Variants in ANKRD31 observed in about 807,000 individuals in gnomAD.
ANKRD31 encodes the protein ankyrin repeat domain-containing protein 31.
A neutral mutation model predicts 186.0 loss-of-function variants in ANKRD31; 147 were observed. That is an observed-to-expected ratio of 0.79 (90% CI 0.69 to 0.91). The LOEUF is 0.91. ANKRD31 is among the 40% of genes least tolerant of loss of function. The pLI, the probability that ANKRD31 is intolerant of heterozygous loss-of-function variation, is 0.00. For synonymous variants in ANKRD31, 673 were observed against 736.4 expected (o/e 0.91, Z 1.39); for missense variants, 1,986 against 2,148.8 (o/e 0.92, Z 1.50).
chr5:75,224,157 A>ATG (rs1271020454), intron 2 of ANKRD31, among the ~76,000 whole-genome samples: 2 of 49,574 alleles, frequency 4.0e-5, no homozygotes, highest in Non-Finnish European at 6.7e-5. Context: ...ATATATATAT[A>ATG]TATGTATATA....
At position 75,104,590 on chromosome 5, in the gene ANKRD31, G is replaced by A; in HGVS notation, c.4969C>T (p.His1657Tyr). The A allele has an allele frequency of 6.5e-7, 1 of 1,536,222 alleles. No homozygotes were observed. Among genetic ancestry groups the A allele is most frequent in the South Asian group, 1.2e-5 (1 of 83,742 alleles). The change falls in exon 22 of 26, where the codon CAT becomes TAT. Residue 1657 changes from histidine to tyrosine, a missense_variant. By Grantham distance (83) the His-to-Tyr change is moderately conservative. Transcript: ENST00000506364. ...TGATCACAAATAATATTTGATGGAT[G>A]GGCAGCATTTTCGGCAAGGACACTT... Reference protein sequence around the residue: ...TASVLAENAAHPSNIICDQDL... With the variant: ...TASVLAENAAYPSNIICDQDL...
chr5:75,109,256 G>C (rs1747577306), intron 20 of ANKRD31, among the ~76,000 whole-genome samples: 1 of 152,106 alleles, frequency 6.6e-6, no homozygotes. Flanking sequence ...TGTTAACAAT[G>C]GCAATTTTCT....
At chr5:75,166,359 T>C (rs566209359) in intron 11 of ANKRD31, among the ~76,000 whole-genome samples, 3 of 152,102 alleles carry the variant, frequency 2.0e-5, no homozygotes, top group African/African-American at 7.2e-5. Context: ...CAATCCCAGC[T>C]ACTCAAGAGG....
chr5:75,087,649 T>C (rs529363602), intron 23 of ANKRD31, among the ~76,000 whole-genome samples: 1 of 152,360 alleles, frequency 6.6e-6, no homozygotes, highest in East Asian at 1.9e-4. Flanking sequence ...AATAATTGCT[T>C]TTTATCTCAG....
At chr5:75,078,716 G>GA (rs1215351197) in intron 25 of ANKRD31, among the ~76,000 whole-genome samples, 1 of 152,144 alleles carries the variant, frequency 6.6e-6, no homozygotes, top group African/African-American at 2.4e-5. Context: ...ATAACTTTGT[G>GA]AAAAATATGT....
chr5:75,104,051 C>A (rs1370835584), intron 22 of ANKRD31, among the ~76,000 whole-genome samples, 177 bp downstream of exon 22: 1 of 152,096 alleles, frequency 6.6e-6, no homozygotes, highest in African/African-American at 2.4e-5. Context: ...TGTATCAGGG[C>A]AATTCCAGAA....
chr5:75,142,262 C>A (rs961414965), intron 15 of ANKRD31, among the ~76,000 whole-genome samples: 3 of 152,034 alleles, frequency 2.0e-5, no homozygotes, highest in Non-Finnish European at 4.4e-5. Context: ...TTCTTGTATT[C>A]TTTCTTTAAT....
chr5:75,123,649 C>A (rs1748972352), intron 17 of ANKRD31, among the ~76,000 whole-genome samples: 1 of 152,036 alleles, frequency 6.6e-6, no homozygotes, highest in Non-Finnish European at 1.5e-5. Context: ...AGCCACATAT[C>A]TATAGCTAAC....
chr5:75,191,550 A>C (rs4704189), intron 9 of ANKRD31, among the ~76,000 whole-genome samples: 77,110 of 151,744 alleles, frequency 0.51, 22,637 homozygotes, highest in African/African-American at 0.82. Flanking sequence ...ACTCTCTATC[A>C]CTGTAAAACA....
intron 17 of ANKRD31, among the ~76,000 whole-genome samples, chr5:75,118,907 A>C (rs1216676123): frequency 6.6e-6 from 1 of 152,120 alleles, no homozygotes; most frequent in Admixed American, 6.6e-5. Context: ...AAGTGGGGTA[A>C]GAGTTGCTTC....
chr5:75,134,586 C>G (rs539403369), intron 17 of ANKRD31, among the ~76,000 whole-genome samples: 1 of 152,076 alleles, frequency 6.6e-6, no homozygotes, highest in South Asian at 2.1e-4. Context: ...ACCAGAGGTA[C>G]GAAGAGGAGC....
chr5:75,139,536 G>A (rs74876356), intron 15 of ANKRD31, among the ~76,000 whole-genome samples: 1 of 152,076 alleles, frequency 6.6e-6, no homozygotes, highest in Non-Finnish European at 1.5e-5. Context: ...AACTGATCAT[G>A]TTTTCCCCCT....
In ANKRD31 at chr5:75,068,448, T is replaced by A; in HGVS notation, c.*71A>T. ...ATGTTAAAATAGGCCCACCAGATTA[T>A]ACAAGATGAAATATAAATGTTTGTT... On this transcript the variant is annotated 3_prime_UTR_variant, in exon 26 of 26. Transcript: ENST00000506364. 7.3e-7 allele frequency: 1 copy of A among 1,372,214 alleles called. No individual in the cohort carries two copies. 85.0% of individuals were successfully genotyped at this position (1,372,214 alleles called of 1,614,324 possible).
rs1422794869 is a variant in ANKRD31, at chr5:75,195,852, A to T, written c.796T>A (p.Leu266Met). Residue 266 changes from leucine to methionine, a missense_variant, in exon 7 of 26, where the codon TTG becomes ATG. Physicochemically the swap from Leu to Met is conservative, Grantham distance 15. Transcript: ENST00000506364. The part of the protein sequence containing the change: ...SDSLSSISIP[L>M]NSWSACHRDL... Reference sequence around the variant, plus strand: ...CTATGACATGCCGACCAGGAATTCAAAGGTATTGATATGGAACTAAGAGAG... The same window carrying T: ...CTATGACATGCCGACCAGGAATTCATAGGTATTGATATGGAACTAAGAGAG... 12 of 1,537,002 alleles carry T rather than the reference A, an allele frequency of 7.8e-6. No individual in the cohort carries two copies. The highest frequency in any genetic ancestry group is 9.6e-6 in the Non-Finnish European group (11 of 1,146,838).
chr5:75,174,381 T>C (rs745905848), intron 10 of ANKRD31, among the ~76,000 whole-genome samples: 4 of 151,982 alleles, frequency 2.6e-5, no homozygotes, highest in Non-Finnish European at 5.9e-5. Context: ...GACAAATGGA[T>C]CTAATTAAAC....
At chr5:75,188,886 A>G (rs1034405259) in intron 9 of ANKRD31, among the ~76,000 whole-genome samples, 2 of 152,240 alleles carry the variant, frequency 1.3e-5, no homozygotes, top group Non-Finnish European at 2.9e-5. Flanking sequence ...AAATATTTGA[A>G]GTAAACTATA....
intron 10 of ANKRD31, among the ~76,000 whole-genome samples, chr5:75,179,331 C>T (rs1302058614): frequency 2.0e-5 from 3 of 152,306 alleles, no homozygotes; most frequent in African/African-American, 7.2e-5. Context: ...ACCATTCCTT[C>T]TGAAACTATT....
intron 17 of ANKRD31, among the ~76,000 whole-genome samples, chr5:75,131,634 C>A (rs1394693707): frequency 2.0e-5 from 3 of 152,194 alleles, no homozygotes. Flanking sequence ...ACTTAAACGT[C>A]CCTGTCTGAC....
chr5:75,228,544 C>G (rs532627764), intron 2 of ANKRD31, among the ~76,000 whole-genome samples: 1 of 148,682 alleles, frequency 6.7e-6, no homozygotes, highest in African/African-American at 2.5e-5. Context: ...TAAATATAGA[C>G]AAGGAAAAAA....
Sources: gnomAD v4.1 joint callset for allele counts (sites outside exome capture counted in the v4.1 genomes callset) on GRCh38, gnomAD v4.1.1 for gene constraint, MANE v1.5 for transcripts, NCBI Gene and HGNC (gene_info 2026-07-23, HGNC 2026-07-21) for gene names.